The following SLC35F3 variants were observed in gnomAD, a reference collection of about 807,000 sequenced individuals.
SLC35F3 encodes solute carrier family 35 member F3, also known as putative thiamine transporter SLC35F3.
Under a neutral mutation model 49.9 loss-of-function variants are expected in SLC35F3, and 25 were observed. The observed-to-expected ratio is 0.50, with a 90% confidence interval of 0.37 to 0.70. SLC35F3 has a LOEUF of 0.70. SLC35F3 is among the 30% of genes least tolerant of loss of function. The pLI is 0.00. For synonymous variants in SLC35F3, 275 were observed against 265.4 expected (o/e 1.04, Z -0.35); for missense variants, 525 against 639.8 (o/e 0.82, Z 1.94).
At chr1:234,060,333 T>C (rs1175484932) in intron 2 of SLC35F3, among the ~76,000 whole-genome samples, 1 of 152,244 alleles carries the variant, frequency 6.6e-6, no homozygotes, top group African/African-American at 2.4e-5. Flanking sequence ...GGAAATGAGG[T>C]ATTGAAGTTT....
chr1:233,977,499 A>T (rs1194693544), intron 2 of SLC35F3, among the ~76,000 whole-genome samples: 4 of 152,168 alleles, frequency 2.6e-5, no homozygotes, highest in Non-Finnish European at 4.4e-5. Context: ...GGGGACAGGG[A>T]GCTGCACGTA....
intron 2 of SLC35F3, among the ~76,000 whole-genome samples, chr1:234,085,433 G>A (rs1664946658): frequency 6.6e-6 from 1 of 152,172 alleles, no homozygotes; most frequent in South Asian, 2.1e-4. Flanking sequence ...TTTCTGCCCA[G>A]CCAGATTTGG....
At chr1:233,954,650 C>T (rs1002978170) in intron 2 of SLC35F3, among the ~76,000 whole-genome samples, 10 of 152,188 alleles carry the variant, frequency 6.6e-5, no homozygotes, top group Non-Finnish European at 1.5e-4. Flanking sequence ...GGCAAAGCCT[C>T]CCAAAGATAA....
intron 2 of SLC35F3, among the ~76,000 whole-genome samples, chr1:234,115,279 T>G (rs1033163955): frequency 1.3e-5 from 2 of 152,226 alleles, no homozygotes; most frequent in African/African-American, 4.8e-5. Flanking sequence ...TTGCTGCCCC[T>G]TTTACTCCTG....
chr1:234,119,280 G>A (rs1208286997), intron 2 of SLC35F3, among the ~76,000 whole-genome samples: 2 of 150,894 alleles, frequency 1.3e-5, no homozygotes, highest in African/African-American at 4.9e-5. Flanking sequence ...AGCCTTATAG[G>A]GCCTCTCAAT....
chr1:233,977,308 C>T (rs1207057321), intron 2 of SLC35F3, among the ~76,000 whole-genome samples: 1 of 152,192 alleles, frequency 6.6e-6, no homozygotes, highest in Non-Finnish European at 1.5e-5. Flanking sequence ...ACAAGTCATC[C>T]ACCTCCATAT....
intron 2 of SLC35F3, among the ~76,000 whole-genome samples, chr1:234,113,767 G>A (rs1482756063): frequency 6.6e-6 from 1 of 152,220 alleles, no homozygotes; most frequent in Non-Finnish European, 1.5e-5. Context: ...GGAGGCTGAG[G>A]CAGGAGAATT....
chr1:233,904,753 A>C lies in SLC35F3; in HGVS notation c.-325A>C, dbSNP rs1368936434. Among the ~76,000 whole-genome samples the C allele has an allele frequency of 1.3e-5, 2 of 151,682 alleles. No homozygotes were observed. The highest frequency in any genetic ancestry group is 2.4e-5 in the African/African-American group (1 of 41,382). On this transcript the variant is annotated 5_prime_UTR_variant, in exon 1 of 8. Transcript: ENST00000366618. ...GGCTCTCCCGGTCGCGGCGAGACTCACGCCTGCGGTGTGCTAGGGCGGCGG... is the reference window on the plus strand; with the variant it reads ...GGCTCTCCCGGTCGCGGCGAGACTCCCGCCTGCGGTGTGCTAGGGCGGCGG...
At chr1:234,155,703 C>G (rs1489014396) in intron 2 of SLC35F3, among the ~76,000 whole-genome samples, 1 of 150,878 alleles carries the variant, frequency 6.6e-6, no homozygotes, top group Admixed American at 6.6e-5. Flanking sequence ...TGAATGCTAA[C>G]AATTGCCTGA....
intron 2 of SLC35F3, among the ~76,000 whole-genome samples, chr1:233,941,712 A>G (rs891556977): frequency 1.3e-5 from 2 of 149,814 alleles, no homozygotes; most frequent in Admixed American, 1.3e-4. Context: ...GCATTTATAT[A>G]TTGCACCAAA....
chr1:233,986,203 G>T (rs185195603), intron 2 of SLC35F3, among the ~76,000 whole-genome samples: 1,689 of 152,108 alleles, frequency 0.011, 21 homozygotes, highest in Middle Eastern at 0.048. Flanking sequence ...GTCTGTTTTT[G>T]CATTTCTTTT....
At chr1:234,179,128 A>T (rs1666520067) in intron 2 of SLC35F3, among the ~76,000 whole-genome samples, 1 of 151,940 alleles carries the variant, frequency 6.6e-6, no homozygotes. Flanking sequence ...CTGTTTCTTG[A>T]CTCTGCAGAG....
chr1:234,066,878 TTA>T (rs1664630390), intron 2 of SLC35F3, among the ~76,000 whole-genome samples: 1 of 126,682 alleles, frequency 7.9e-6, no homozygotes, highest in African/African-American at 3.1e-5. Flanking sequence ...ACACACACAA[TTA>T]TATTAAAATC....
chr1:233,925,762 G>A (rs1662147481), intron 2 of SLC35F3, among the ~76,000 whole-genome samples: 1 of 152,182 alleles, frequency 6.6e-6, no homozygotes, highest in South Asian at 2.1e-4. Flanking sequence ...TTTTTACAGT[G>A]GCTGTTACCA....
At chr1:234,278,347 T>TG (rs1264060068) in intron 3 of SLC35F3, among the ~76,000 whole-genome samples, 1 of 151,994 alleles carries the variant, frequency 6.6e-6, no homozygotes, top group Non-Finnish European at 1.5e-5. Flanking sequence ...AAAATTAGAC[T>TG]GGTGCAATGG....
At chr1:233,949,249 C>T (rs914368253) in intron 2 of SLC35F3, among the ~76,000 whole-genome samples, 3 of 152,150 alleles carry the variant, frequency 2.0e-5, no homozygotes, top group African/African-American at 7.2e-5. Context: ...TCATGTCAGC[C>T]TCCACGTCAC....
intron 5 of SLC35F3, among the ~76,000 whole-genome samples, chr1:234,317,038 G>T (rs980518588): frequency 6.6e-6 from 1 of 152,156 alleles, no homozygotes; most frequent in Non-Finnish European, 1.5e-5. Flanking sequence ...ATCATTGATG[G>T]CAGCGAACAA....
At chr1:234,242,397 A>G (rs375400440) in intron 3 of SLC35F3, among the ~76,000 whole-genome samples, 62 of 152,336 alleles carry the variant, frequency 4.1e-4, no homozygotes, top group African/African-American at 1.4e-3. Context: ...GGGTCATCCC[A>G]TTCAAAGAGA....
chr1:234,178,496 G>C (rs927559636), intron 2 of SLC35F3, among the ~76,000 whole-genome samples: 1 of 151,500 alleles, frequency 6.6e-6, no homozygotes, highest in African/African-American at 2.4e-5. Context: ...AACAGTTTTA[G>C]GTTCACAGCA....
Sources: allele counts gnomAD v4.1 joint callset (sites outside exome capture counted in the v4.1 genomes callset), GRCh38; gene constraint gnomAD v4.1.1; transcripts MANE v1.5; gene names NCBI Gene and HGNC (gene_info 2026-07-23, HGNC 2026-07-21).